Variants in MUTYH observed in about 807,000 individuals in gnomAD.
MUTYH encodes the protein adenine DNA glycosylase.
A neutral mutation model predicts 72.9 loss-of-function variants in MUTYH; 64 were observed. The observed-to-expected ratio is 0.88, with a 90% CI of 0.72 to 1.08. The LOEUF is 1.08. Ranked by LOEUF, MUTYH falls within the 50% of genes least tolerant of loss-of-function variation. The pLI is 0.00. For synonymous variants in MUTYH, 234 were observed against 263.1 expected, an observed-to-expected ratio of 0.89 and a Z score of 1.07; for missense variants, 633 against 671.0, an observed-to-expected ratio of 0.94 and a Z score of 0.63.
intron 1 of MUTYH, among the ~76,000 whole-genome samples, chr1:45,337,482 C>A (rs1020335939): frequency 1.3e-5 from 2 of 152,030 alleles, no homozygotes; most frequent in Non-Finnish European, 2.9e-5. Flanking sequence ...CTTTTATTTT[C>A]TTTCTTTTCT....
At position 45,331,865 on chromosome 1, in the gene MUTYH, C is replaced by T. The variant is rs1231487707; in HGVS notation, c.914-16G>A. The T allele has an allele frequency of 6.3e-7, 1 of 1,599,862 alleles. No homozygotes were observed. Among genetic ancestry groups the T allele is most frequent in the South Asian group, 1.1e-5 (1 of 89,700 alleles). On this transcript the variant is annotated splice_polypyrimidine_tract_variant and intron_variant, in intron 11 of 15. Transcript: ENST00000456914. ...GTGTTGGGAGCTGGGAACGGAGATCCCCGAACCCTACTCAAGCCAAGAGGG... is the reference window on the plus strand; with the variant it reads ...GTGTTGGGAGCTGGGAACGGAGATCTCCGAACCCTACTCAAGCCAAGAGGG...
At chr1:45,337,979 G>T (rs1646169494) in intron 1 of MUTYH, among the ~76,000 whole-genome samples, 1 of 152,180 alleles carries the variant, frequency 6.6e-6, no homozygotes, top group Non-Finnish European at 1.5e-5. Context: ...TGCCAAGGTG[G>T]GGTTTAATGT....
chr1:45,340,052 C>A (rs1646767647), upstream of MUTYH: 7 of 1,541,968 alleles, frequency 4.5e-6, no homozygotes, highest in African/African-American at 4.1e-5. Context: ...GGCTGCGAGC[C>A]GGCAGCACAG....
rs2149157982 is a variant in MUTYH at position 45,332,811 on chromosome 1, G to A, written c.444C>T (p.Gly148=). 6.2e-7 allele frequency: 1 copy of A among 1,614,164 alleles called. No individual in the cohort carries two copies. Among genetic ancestry groups the A allele is most frequent in the Non-Finnish European group, 8.5e-7 (1 of 1,180,022 alleles). Residue 148 remains glycine (G), a synonymous_variant, in exon 7 of 16, where the codon GGC becomes GGT. Coordinates refer to ENST00000456914, the MANE Select transcript of MUTYH (RefSeq NM_001048174.2). ...GCCGGCCACGAGAATAGTAGCCCAGGCCAGCCCAGAGTTGATTCACCTCCT... is the reference window on the plus strand; with the variant it reads ...GCCGGCCACGAGAATAGTAGCCCAGACCAGCCCAGAGTTGATTCACCTCCT... ...SLEEVNQLWA[G]LGYYSRGRRL... is the part of the protein sequence containing the mutation.
intron 2 of MUTYH, chr1:45,334,164 G>A (rs1368465121): frequency 5.8e-6 from 3 of 515,158 alleles, no homozygotes; most frequent in East Asian, 4.0e-5. Flanking sequence ...TCACCACCAC[G>A]CGAGCATAGA....
At chr1:45,334,835 T>C (rs1645640551) in intron 1 of MUTYH, among the ~76,000 whole-genome samples, 1 of 152,046 alleles carries the variant, frequency 6.6e-6, no homozygotes, top group African/African-American at 2.4e-5. Flanking sequence ...ACTGTGACTG[T>C]GTGTGTGGAT....
chr1:45,330,568 A>C lies in MUTYH; in HGVS notation c.1393-11T>G, dbSNP rs868701952. 1 of 1,607,022 alleles carries C rather than the reference A, an allele frequency of 6.2e-7. No individual in the cohort carries two copies. On this transcript the variant is annotated splice_polypyrimidine_tract_variant and intron_variant, in intron 14 of 15. Coordinates refer to ENST00000456914, the MANE Select transcript of MUTYH (RefSeq NM_001048174.2). ...ATACACACGGAAAACCTAGACAAGA[A>C]GACAGGGAGGTGAGGGCTGGCACTT... is the stretch of plus-strand genomic sequence containing the variant.
chr1:45,336,058 T>C (rs1474760383), intron 1 of MUTYH, among the ~76,000 whole-genome samples: 2 of 152,232 alleles, frequency 1.3e-5, no homozygotes, highest in African/African-American at 4.8e-5. Flanking sequence ...TCACAGGTAT[T>C]GTGTACCTCA....
At chr1:45,334,847 G>A (rs1042784193) in intron 1 of MUTYH, among the ~76,000 whole-genome samples, 1 of 152,174 alleles carries the variant, frequency 6.6e-6, no homozygotes, top group Non-Finnish European at 1.5e-5. Context: ...TGTGTGGATA[G>A]GGGTTGTTTA....
At chr1:45,339,257 C>A (rs1007380651) in intron 1 of MUTYH, among the ~76,000 whole-genome samples, 16 of 134,208 alleles carry the variant, frequency 1.2e-4, no homozygotes, top group Non-Finnish European at 9.1e-5. Flanking sequence ...GTTGCCTAGG[C>A]TGAAGTGCAA....
chr1:45,334,465 T>A lies in MUTYH; in HGVS notation c.41A>T (p.Lys14Met), dbSNP rs1553131499. 1 of 1,614,164 alleles carries A rather than the reference T, an allele frequency of 6.2e-7. No individual in the cohort carries two copies. Among genetic ancestry groups the A allele is most frequent in the South Asian group, 1.1e-5 (1 of 91,084 alleles). Residue 14 changes from lysine to methionine, a missense_variant, in exon 2 of 16, where the codon AAG becomes ATG. Physicochemically the swap from Lys to Met is moderately conservative, Grantham distance 95 (BLOSUM62 -1). Transcript: ENST00000456914. ...CCTCCCTTCCTGGCTGGCTGCCTGC[T>A]TCCTGTGACCACTTCCCACGGCTGC... ...PRAAVGSGHR[K>M]QAASQEGRQK...
At chr1:45,339,337 C>T (rs966372127) in intron 1 of MUTYH, among the ~76,000 whole-genome samples, 1 of 151,780 alleles carries the variant, frequency 6.6e-6, no homozygotes, top group Non-Finnish European at 1.5e-5. Context: ...CTCAGCCTCC[C>T]AAGTAGTGGG....
chr1:45,329,440 G>A lies in MUTYH; in HGVS notation c.1435-3C>T, dbSNP rs776766717. On this transcript the variant is annotated splice_region_variant and splice_polypyrimidine_tract_variant and intron_variant, in intron 15 of 15. Transcript: ENST00000456914. The stretch of plus-strand genomic sequence containing the variant: ...GACACCTGGGACCTTTTGGAACCCT[G>A]TGAAAAAATGGAAGGAGGGAGGCCT... 3 of 1,613,650 alleles carry A rather than the reference G, an allele frequency of 1.9e-6. No individual in the cohort carries two copies. Among genetic ancestry groups the A allele is most frequent in the Non-Finnish European group, 2.5e-6 (3 of 1,179,844 alleles).
At position 45,339,933 on chromosome 1, in the gene MUTYH, GAGGCCCCGC is replaced by G. The variant is rs1277667644; in HGVS notation, c.-50_-42del. On this transcript the variant is annotated 5_prime_UTR_variant, in exon 1 of 16. Coordinates refer to ENST00000456914, the MANE Select transcript of MUTYH (RefSeq NM_001048174.2). Reference sequence around the variant, plus strand: ...ACGCTGATGAAGACAGCAGAACACGGAGGCCCCGCGTTCCCGCCGCGAGAGCAGGAGAGA... The same window carrying G: ...ACGCTGATGAAGACAGCAGAACACGGGTTCCCGCCGCGAGAGCAGGAGAGA... 14 of 1,464,882 alleles carry G rather than the reference GAGGCCCCGC, an allele frequency of 9.6e-6. No individual in the cohort carries two copies. Among genetic ancestry groups the G allele is most frequent in the Non-Finnish European group, 1.3e-5 (14 of 1,091,850 alleles). The allele number at this position is 1,464,882 out of a possible 1,614,324, so 90.7% of individuals were successfully genotyped here. A position where few individuals can be genotyped will look rare whatever the true frequency, so the allele number is the denominator to read the frequency against.
At position 45,332,931 on chromosome 1, in the gene MUTYH, C is replaced by T. The variant is rs1557480827; in HGVS notation, c.407G>A (p.Ser136Asn). The change falls in exon 6 of 16, where the codon AGT becomes AAT. Residue 136 changes from serine to asparagine, a missense_variant. By Grantham distance (46) the Ser-to-Asn change is conservative. Transcript: ENST00000456914. ...GGTGGCTCTCACCTCCAGGGAAGCACTGGCCAGGTCCTGCAGTGTAGGCCA... is the reference window on the plus strand; with the variant it reads ...GGTGGCTCTCACCTCCAGGGAAGCATTGGCCAGGTCCTGCAGTGTAGGCCA... ...QKWPTLQDLA[S>N]ASLEEVNQLW... The T allele has an allele frequency of 3.7e-6, 6 of 1,614,174 alleles. No individual in the cohort carries two copies. The highest frequency in any genetic ancestry group is 5.1e-6 in the Non-Finnish European group (6 of 1,180,026).
In MUTYH at chr1:45,331,254, G is replaced by A. The variant is rs746668146; in HGVS notation, c.1320C>T (p.Thr440=). 4.3e-6 allele frequency: 7 copies of A among 1,614,088 alleles called. No homozygotes were observed. The highest frequency in any genetic ancestry group is 2.2e-5 in the East Asian group (1 of 44,904). ...TCAGCCAGCGAGCACCTGGTGGTAC[G>A]GTGGTCACTGGGGTCTGCCCTTCCA... ...LALEGQTPVT[T]VPPGARWLTQ... The change falls in exon 14 of 16, where the codon ACC becomes ACT. Residue 440 remains threonine (T), a synonymous_variant. Transcript: ENST00000456914.
chr1:45,334,091 C>G (rs900637524), intron 2 of MUTYH: 41 of 408,676 alleles, frequency 1.0e-4, no homozygotes, highest in Admixed American at 1.4e-4. Context: ...AGTGCAACTT[C>G]TGCCTTCCAG....
intron 1 of MUTYH, among the ~76,000 whole-genome samples, chr1:45,335,686 ATC>A (rs891152298): frequency 2.0e-5 from 3 of 151,856 alleles, no homozygotes; most frequent in African/African-American, 7.3e-5. Flanking sequence ...GCGAAACCCC[ATC>A]TCTACTAAAA....
At chr1:45,334,858 G>C (rs1373464866) in intron 1 of MUTYH, among the ~76,000 whole-genome samples, 1 of 152,156 alleles carries the variant, frequency 6.6e-6, no homozygotes, top group East Asian at 1.9e-4. Context: ...GGGTTGTTTA[G>C]GTGTGTCTGG....
Sources: allele counts gnomAD v4.1 joint callset (sites outside exome capture counted in the v4.1 genomes callset), GRCh38; gene constraint gnomAD v4.1.1; transcripts MANE v1.5; gene names NCBI Gene and HGNC (gene_info 2026-07-23, HGNC 2026-07-21).